NUFIP1: variants seen among roughly 807,000 people sequenced by gnomAD.
NUFIP1 encodes FMR1-interacting protein NUFIP1.
Under a neutral mutation model 56.2 loss-of-function variants are expected in NUFIP1, and 38 were observed. The observed-to-expected ratio is 0.68, with a 90% CI of 0.52 to 0.89. NUFIP1 has a LOEUF of 0.89. Ranked by LOEUF, NUFIP1 falls within the 40% of genes least tolerant of loss-of-function variation. The pLI is 0.00. For synonymous variants in NUFIP1, 215 were observed against 212.4 expected (o/e 1.01, Z -0.10); for missense variants, 567 against 605.8 (o/e 0.94, Z 0.67).
chr13:44,950,801 T>TA (rs1871065071), intron 7 of NUFIP1, among the ~76,000 whole-genome samples: 1 of 152,200 alleles, frequency 6.6e-6, no homozygotes, highest in South Asian at 2.1e-4. Context: ...CACCACCTAT[T>TA]ACATTTCTTT....
intron 5 of NUFIP1, 88 bp downstream of exon 5, chr13:44,979,102 C>T: frequency 9.4e-7 from 1 of 1,059,864 alleles, no homozygotes. Flanking sequence ...CTAGTTCCAA[C>T]ATTCTAAGGG....
At chr13:44,984,716 T>A (rs955404813) in intron 1 of NUFIP1, among the ~76,000 whole-genome samples, 4 of 152,266 alleles carry the variant, frequency 2.6e-5, no homozygotes, top group African/African-American at 7.2e-5. Context: ...TGAATTTTTT[T>A]TTATTATTAT....
At chr13:44,948,541 C>T (rs1870970392) in intron 8 of NUFIP1, among the ~76,000 whole-genome samples, 1 of 152,128 alleles carries the variant, frequency 6.6e-6, no homozygotes, top group South Asian at 2.1e-4. Context: ...CACATCTTGT[C>T]CTGAGACATA....
chr13:44,983,642 C>T (rs1053763419), intron 1 of NUFIP1, among the ~76,000 whole-genome samples: 1 of 152,076 alleles, frequency 6.6e-6, no homozygotes, highest in African/African-American at 2.4e-5. Context: ...ACAAAAAATA[C>T]AAAAATTAGC....
At chr13:44,941,704 G>A (rs1206583296) in intron 9 of NUFIP1, among the ~76,000 whole-genome samples, 2 of 150,996 alleles carry the variant, frequency 1.3e-5, no homozygotes, top group Non-Finnish European at 2.9e-5. Flanking sequence ...TAGTAGAAAC[G>A]GGGTTTCACC....
At chr13:44,971,172 G>C (rs1871792305) in intron 5 of NUFIP1, among the ~76,000 whole-genome samples, 1 of 152,072 alleles carries the variant, frequency 6.6e-6, no homozygotes, top group Non-Finnish European at 1.5e-5. Flanking sequence ...AACCTCAGAT[G>C]AACTCACCCA....
chr13:44,942,205 C>A (rs116566959), intron 9 of NUFIP1, among the ~76,000 whole-genome samples: 1 of 152,220 alleles, frequency 6.6e-6, no homozygotes, highest in South Asian at 2.1e-4. Flanking sequence ...AAACTTCCAA[C>A]ATTCCTTGAC....
At chr13:44,945,416 T>G (rs887761657) in intron 8 of NUFIP1, among the ~76,000 whole-genome samples, 5 of 151,934 alleles carry the variant, frequency 3.3e-5, no homozygotes, top group African/African-American at 7.2e-5. Flanking sequence ...CACTACTGAA[T>G]TCTACAAACA....
At chr13:44,973,334 ATAAT>A (rs1819200036) in intron 5 of NUFIP1, among the ~76,000 whole-genome samples, 1 of 152,230 alleles carries the variant, frequency 6.6e-6, no homozygotes, top group African/African-American at 2.4e-5. Flanking sequence ...ATTTCCAAGC[ATAAT>A]TATTAATCAT....
intron 7 of NUFIP1, 32 bp from the exon 8 acceptor site, chr13:44,949,870 C>G: frequency 2.1e-6 from 3 of 1,398,836 alleles, no homozygotes; most frequent in Non-Finnish European, 3.0e-6. Flanking sequence ...TTCAAAACAT[C>G]TACCACCATA....
intron 5 of NUFIP1, among the ~76,000 whole-genome samples, chr13:44,971,945 T>C (rs1366935830): frequency 6.6e-6 from 1 of 152,124 alleles, no homozygotes; most frequent in African/African-American, 2.4e-5. Context: ...TGACACCTCT[T>C]TGCACTAAGC....
At position 44,979,175 on chromosome 13, in the gene NUFIP1, C is replaced by G. The variant is rs1309525639; in HGVS notation, c.734+15G>C. The G allele has an allele frequency of 1.3e-6, 2 of 1,597,224 alleles. No homozygotes were observed. The highest frequency in any genetic ancestry group is 1.7e-6 in the Non-Finnish European group (2 of 1,167,482). On this transcript the variant is annotated intron_variant, in intron 5 of 9. Transcript: ENST00000379161. The stretch of plus-strand genomic sequence containing the variant: ...CAGTAAAACAGTTATTTCACCAGTT[C>G]TGAACTCTACTCACTTCCTTCTTTC...
intron 5 of NUFIP1, among the ~76,000 whole-genome samples, chr13:44,973,210 T>TA (rs1477627660): frequency 6.6e-6 from 1 of 151,588 alleles, no homozygotes; most frequent in African/African-American, 2.4e-5. Flanking sequence ...AAGCCATTAA[T>TA]ACTTTAAAAT....
At chr13:44,964,604 A>AG (rs1376720553) in intron 6 of NUFIP1, among the ~76,000 whole-genome samples, 1 of 152,218 alleles carries the variant, frequency 6.6e-6, no homozygotes, top group Non-Finnish European at 1.5e-5. Flanking sequence ...TGTACCTGAG[A>AG]GGAAAAAACT....
intron 1 of NUFIP1, among the ~76,000 whole-genome samples, chr13:44,987,114 C>T (rs376057967): frequency 3.3e-5 from 5 of 152,272 alleles, no homozygotes; most frequent in East Asian, 1.9e-4. Flanking sequence ...CAGTGGCTCA[C>T]GCTTGTAATC....
At chr13:44,955,824 A>T (rs1290114375) in intron 7 of NUFIP1, among the ~76,000 whole-genome samples, 2 of 18,946 alleles carry the variant, frequency 1.1e-4, no homozygotes, top group South Asian at 5.0e-3. Flanking sequence ...TGATGAGCTT[A>T]AAAAAAAAAA....
chr13:44,970,352 A>G (rs1871759352), intron 5 of NUFIP1, among the ~76,000 whole-genome samples: 1 of 152,236 alleles, frequency 6.6e-6, no homozygotes, highest in Non-Finnish European at 1.5e-5. Context: ...ACAAAGATGT[A>G]CTTTTGTCAA....
intron 5 of NUFIP1, among the ~76,000 whole-genome samples, chr13:44,975,343 C>T (rs1025896926): frequency 1.3e-5 from 2 of 152,150 alleles, no homozygotes; most frequent in Non-Finnish European, 2.9e-5. Flanking sequence ...TCAGACTCAA[C>T]AATGTCCAAC....
intron 7 of NUFIP1, among the ~76,000 whole-genome samples, chr13:44,951,130 C>T (rs1871073093): frequency 6.6e-6 from 1 of 152,166 alleles, no homozygotes. Context: ...GTTACCTTTA[C>T]TCCTTGATTA....
Sources: allele counts gnomAD v4.1 joint callset (sites outside exome capture counted in the v4.1 genomes callset), GRCh38; gene constraint gnomAD v4.1.1; transcripts MANE v1.5; gene names NCBI Gene and HGNC (gene_info 2026-07-23, HGNC 2026-07-21).